Variants in KCNQ3 observed in about 807,000 individuals in gnomAD.
The protein encoded by KCNQ3 is potassium voltage-gated channel subfamily Q member 3.
Under a neutral mutation model 92.5 loss-of-function variants are expected in KCNQ3, and 30 were observed. The ratio of observed to expected loss-of-function variants is 0.32; its 90% confidence interval spans 0.24 to 0.44. KCNQ3 has a LOEUF of 0.44. KCNQ3 is among the 20% of genes least tolerant of loss of function. The probability of loss-of-function intolerance (pLI) is 1.00; values close to 1 mark genes in which losing one functional copy is unlikely to be tolerated. For synonymous variants in KCNQ3, 450 were observed against 468.8 expected (o/e 0.96, Z 0.52); for missense variants, 913 against 1,140.3 (o/e 0.80, Z 2.87).
intron 1 of KCNQ3, among the ~76,000 whole-genome samples, chr8:132,464,846 T>C (rs559033619): frequency 2.3e-4 from 35 of 152,336 alleles, no homozygotes; most frequent in Admixed American, 4.6e-4. Flanking sequence ...GAAACTGATT[T>C]ATTCACCCCT....
intron 12 of KCNQ3, 125 bp downstream of exon 12, chr8:132,137,752 AGGCTTCGT>A (rs944695319): frequency 1.7e-5 from 19 of 1,136,008 alleles, no homozygotes; most frequent in African/African-American, 3.0e-5. Context: ...GACATCCACA[AGGCTTCGT>A]GGATATTTGT....
At chr8:132,317,018 T>C (rs1163973186) in intron 1 of KCNQ3, among the ~76,000 whole-genome samples, 1 of 152,254 alleles carries the variant, frequency 6.6e-6, no homozygotes, top group African/African-American at 2.4e-5. Flanking sequence ...CCTCCAATTC[T>C]GTTTGCTTAC....
chr8:132,126,568 T>C lies in KCNQ3; in HGVS notation c.*2694A>G, dbSNP rs1295782948. On this transcript the variant is annotated 3_prime_UTR_variant, in exon 15 of 15. Transcript: ENST00000388996. ...AAAAAAACAGCTCTTAAGGTTCTTA[T>C]TATTTATTCATTCATAAAACATGTA... 6.6e-6 allele frequency: 1 copy of C among 152,170 alleles called. No homozygotes were observed. The highest frequency in any genetic ancestry group is 1.5e-5 in the Non-Finnish European group (1 of 68,040). The allele number at this position is 152,170 out of a possible 1,614,324, so 9.4% of individuals were successfully genotyped here.
chr8:132,188,451 T>G (rs562307691), intron 1 of KCNQ3, among the ~76,000 whole-genome samples: 48 of 152,356 alleles, frequency 3.2e-4, no homozygotes, highest in African/African-American at 9.6e-4. Context: ...TAGAATCATT[T>G]TCTTTCTCTT....
chr8:132,451,115 G>C (rs1422007145), intron 1 of KCNQ3, among the ~76,000 whole-genome samples: 1 of 152,106 alleles, frequency 6.6e-6, no homozygotes, highest in Non-Finnish European at 1.5e-5. Flanking sequence ...ACTGAATCAT[G>C]GGGGTGGGTT....
intron 1 of KCNQ3, among the ~76,000 whole-genome samples, chr8:132,468,710 T>C (rs1028175023): frequency 1.3e-5 from 2 of 152,142 alleles, no homozygotes; most frequent in Non-Finnish European, 2.9e-5. Flanking sequence ...TCTTGCAGAG[T>C]GCAGATAATT....
chr8:132,191,860 G>A (rs1248429884), intron 1 of KCNQ3, among the ~76,000 whole-genome samples: 4 of 151,974 alleles, frequency 2.6e-5, no homozygotes, highest in African/African-American at 9.7e-5. Context: ...TCGAGCAAGA[G>A]GAGCACTGGG....
At chr8:132,406,955 AG>A (rs1586992854) in intron 1 of KCNQ3, among the ~76,000 whole-genome samples, 1 of 152,224 alleles carries the variant, frequency 6.6e-6, no homozygotes. Flanking sequence ...GAAGAAGTGG[AG>A]GGGGAAGTGA....
chr8:132,194,515 G>C (rs568800943), intron 1 of KCNQ3, among the ~76,000 whole-genome samples: 1 of 152,312 alleles, frequency 6.6e-6, no homozygotes, highest in South Asian at 2.1e-4. Context: ...AACCCACTAG[G>C]ATGGATTGGT....
At chr8:132,292,278 T>C (rs57234535) in intron 1 of KCNQ3, among the ~76,000 whole-genome samples, 3,926 of 152,258 alleles carry the variant, frequency 0.026, 188 homozygotes, top group African/African-American at 0.089. Context: ...TGGTTGAATG[T>C]TTACCTATGC....
rs533574464 is a variant in KCNQ3 at position 132,162,311 on chromosome 8, C to G, written c.1262+1157G>C. ...AGATTTAATAATTCACTTGCAGTGT[C>G]AAAATCTGCACGATTTATAAACCTG... is the stretch of plus-strand genomic sequence containing the variant. On this transcript the variant is annotated intron_variant, in intron 9 of 14. Transcript: ENST00000388996. Among the ~76,000 whole-genome samples the G allele has an allele frequency of 4.6e-5, 7 of 152,288 alleles. No homozygotes were observed. In the South Asian group the frequency reaches 1.5e-3, roughly 32 times the overall value.
At chr8:132,212,397 C>T (rs541109662) in intron 1 of KCNQ3, among the ~76,000 whole-genome samples, 1 of 152,164 alleles carries the variant, frequency 6.6e-6, no homozygotes, top group East Asian at 1.9e-4. Flanking sequence ...GGAATACCAC[C>T]TTTCTTCCAT....
At chr8:132,173,426 A>C (rs1472895752) in intron 6 of KCNQ3, among the ~76,000 whole-genome samples, 1 of 152,166 alleles carries the variant, frequency 6.6e-6, no homozygotes, top group Non-Finnish European at 1.5e-5. Context: ...AGTGGGTGGC[A>C]GGGAGATTGT....
chr8:132,320,968 T>A (rs1278794677), intron 1 of KCNQ3, among the ~76,000 whole-genome samples: 1 of 152,126 alleles, frequency 6.6e-6, no homozygotes, highest in Non-Finnish European at 1.5e-5. Context: ...AAAAAACACA[T>A]AAGTATGCAG....
intron 1 of KCNQ3, among the ~76,000 whole-genome samples, chr8:132,371,762 C>T (rs757104422): frequency 2.2e-4 from 33 of 152,302 alleles, no homozygotes; most frequent in Non-Finnish European, 2.9e-4. Context: ...AGGCTGCATC[C>T]TCCCAAGCAC....
intron 9 of KCNQ3, among the ~76,000 whole-genome samples, chr8:132,149,238 G>A (rs374086965): frequency 2.6e-5 from 4 of 152,226 alleles, no homozygotes; most frequent in African/African-American, 4.8e-5. Context: ...CTGTGCACTG[G>A]GAGGACAGGG....
intron 9 of KCNQ3, among the ~76,000 whole-genome samples, chr8:132,160,363 G>C (rs1235837758): frequency 6.6e-6 from 1 of 151,426 alleles, no homozygotes; most frequent in African/African-American, 2.5e-5. Context: ...TGACTTAGTT[G>C]TAAGTTATGT....
At chr8:132,312,863 T>C (rs1436686803) in intron 1 of KCNQ3, among the ~76,000 whole-genome samples, 1 of 152,208 alleles carries the variant, frequency 6.6e-6, no homozygotes, top group Non-Finnish European at 1.5e-5. Flanking sequence ...CTTCTTTTCT[T>C]TGTAAATTAC....
At chr8:132,368,089 A>G (rs1429316906) in intron 1 of KCNQ3, among the ~76,000 whole-genome samples, 1 of 152,248 alleles carries the variant, frequency 6.6e-6, no homozygotes, top group Non-Finnish European at 1.5e-5. Flanking sequence ...AACTAAGTAC[A>G]GTAAGTTCTC....
Sources: gnomAD v4.1 joint callset for allele counts (sites outside exome capture counted in the v4.1 genomes callset) on GRCh38, gnomAD v4.1.1 for gene constraint, MANE v1.5 for transcripts, NCBI Gene and HGNC (gene_info 2026-07-23, HGNC 2026-07-21) for gene names.